The following TNFRSF10B variants were observed in gnomAD, a reference collection of about 807,000 sequenced individuals.
TNFRSF10B encodes TNF receptor superfamily member 10b, also known as tumor necrosis factor receptor superfamily member 10B.
In TNFRSF10B, 35 loss-of-function variants were observed where a neutral mutation model predicts 41.4. The observed-to-expected ratio is 0.85, with a 90% CI of 0.65 to 1.12. TNFRSF10B has a LOEUF of 1.12. Among genes scored for constraint, TNFRSF10B ranks in the 50% most tolerant of loss-of-function variants. The pLI is 0.00. For synonymous variants in TNFRSF10B, 230 were observed against 215.5 expected (o/e 1.07, Z -0.59); for missense variants, 584 against 552.7 (o/e 1.06, Z -0.57).
At chr8:23,047,118 A>G (rs1348049928) in intron 1 of TNFRSF10B, among the ~76,000 whole-genome samples, 1 of 152,168 alleles carries the variant, frequency 6.6e-6, no homozygotes, top group African/African-American at 2.4e-5. Context: ...AATTATATCA[A>G]CATAAGAAGT....
At chr8:23,059,048 T>C (rs959821758) in intron 1 of TNFRSF10B, among the ~76,000 whole-genome samples, 1 of 152,216 alleles carries the variant, frequency 6.6e-6, no homozygotes, top group African/African-American at 2.4e-5. Context: ...AACATTCTAC[T>C]GTTGGTTTTT....
chr8:23,031,309 C>T (rs185285392), intron 2 of TNFRSF10B, among the ~76,000 whole-genome samples: 76 of 152,260 alleles, frequency 5.0e-4, no homozygotes, highest in African/African-American at 1.8e-3. Flanking sequence ...ATCTCCTGAC[C>T]TCATGATCTG....
intron 5 of TNFRSF10B, chr8:23,028,023 C>T (rs1454497452): frequency 5.0e-6 from 3 of 601,314 alleles, no homozygotes; most frequent in East Asian, 2.8e-5. Context: ...CATCCTCACC[C>T]TTGTCACCCA....
chr8:23,026,063 A>G (rs1811693627), intron 7 of TNFRSF10B, among the ~76,000 whole-genome samples: 1 of 152,228 alleles, frequency 6.6e-6, no homozygotes, highest in Admixed American at 6.5e-5. Context: ...GTGATAGAGC[A>G]AGATCCTGTC....
intron 2 of TNFRSF10B, chr8:23,042,894 C>G (rs2128815789): frequency 4.6e-6 from 2 of 439,416 alleles, no homozygotes; most frequent in Middle Eastern, 6.2e-4. Context: ...GAGGCCTCAC[C>G]AGCCCCATCT....
intron 4 of TNFRSF10B, among the ~76,000 whole-genome samples, 171 bp from the exon 5 acceptor site, chr8:23,028,773 G>A (rs1390231454): frequency 1.3e-5 from 2 of 152,220 alleles, no homozygotes; most frequent in Non-Finnish European, 2.9e-5. Flanking sequence ...GGCTGGGGAA[G>A]GGTCTGAGCA....
intron 1 of TNFRSF10B, among the ~76,000 whole-genome samples, chr8:23,055,974 T>C (rs532085396): frequency 2.6e-5 from 4 of 152,324 alleles, no homozygotes; most frequent in African/African-American, 9.6e-5. Flanking sequence ...CTGGCGATAA[T>C]TTCCAGGCCT....
In TNFRSF10B at chr8:23,060,656, C is replaced by T. The variant is rs562173747; in HGVS notation, c.144+8095G>A. ...GAAATTCCATATGAATTTTAGGATA[C>T]ATTTTTTCATTTCTGCAAAAATGTC... On this transcript the variant is annotated intron_variant, in intron 1 of 8. Coordinates refer to ENST00000276431, the MANE Select transcript of TNFRSF10B (RefSeq NM_003842.5). Among the ~76,000 whole-genome samples, 69 of 152,256 alleles carry T rather than the reference C, an allele frequency of 4.5e-4. 1 individual carries two copies. The highest frequency in any genetic ancestry group is 8.5e-4 in the Admixed American group (13 of 15,302).
Position 23,021,681 on chromosome 8 carries a change from G to A in TNFRSF10B, c.*990C>T, listed in dbSNP as rs777376186. On this transcript the variant is annotated 3_prime_UTR_variant, in exon 9 of 9. Coordinates refer to ENST00000276431, the MANE Select transcript of TNFRSF10B (RefSeq NM_003842.5). ...CGTGGATCCAGTTCTCTTTGGTCCC[G>A]ACTCATATGTAAACAACTACCTATA... 3 of 454,080 alleles carry A rather than the reference G, an allele frequency of 6.6e-6. No individual in the cohort carries two copies. Among genetic ancestry groups the A allele is most frequent in the South Asian group, 3.1e-5 (2 of 64,474 alleles). The allele number at this position is 454,080 out of a possible 1,614,324, so 28.1% of individuals were successfully genotyped here.
intron 1 of TNFRSF10B, among the ~76,000 whole-genome samples, chr8:23,063,519 A>AT (rs1812893915): frequency 6.6e-6 from 1 of 151,908 alleles, no homozygotes; most frequent in Admixed American, 6.6e-5. Flanking sequence ...ACTCTTTCTT[A>AT]TTTGGTAATG....
intron 1 of TNFRSF10B, among the ~76,000 whole-genome samples, chr8:23,048,247 C>A (rs1308356290): frequency 6.6e-6 from 1 of 151,748 alleles, no homozygotes; most frequent in Non-Finnish European, 1.5e-5. Flanking sequence ...ACCAGCCTGG[C>A]CAACATGGTG....
intron 2 of TNFRSF10B, among the ~76,000 whole-genome samples, chr8:23,041,206 G>A (rs181238217): frequency 6.1e-4 from 93 of 152,006 alleles, no homozygotes; most frequent in African/African-American, 2.1e-3. Context: ...CTACAGGCAC[G>A]CCACTATACC....
chr8:23,036,610 C>T (rs1241711599), intron 2 of TNFRSF10B, among the ~76,000 whole-genome samples: 3 of 152,178 alleles, frequency 2.0e-5, no homozygotes, highest in South Asian at 2.1e-4. Context: ...TTTGGGAGGC[C>T]GAGGTGAGTG....
In TNFRSF10B at chr8:23,022,875, A is replaced by G; in HGVS notation, c.1119T>C (p.Ala373=). 1 of 1,614,018 alleles carries G rather than the reference A, an allele frequency of 6.2e-7. No individual in the cohort carries two copies. The highest frequency in any genetic ancestry group is 8.5e-7 in the Non-Finnish European group (1 of 1,180,000). ...LMDNEIKVAK[A]EAAGHRDTLY... ...AGGTGTCCCTGTGGCCCGCTGCCTC[A>G]GCTTTAGCCACCTTTATCTCATTGT... The change falls in exon 9 of 9, where the codon GCT becomes GCC. Residue 373 remains alanine, a synonymous_variant. Transcript: ENST00000276431.
rs757562456 is a variant in TNFRSF10B at position 23,069,011 on chromosome 8, G to A, written c.-117C>T. ...AGATTGCGGGGTTCTCCGGCCGCGT[G>A]CTGATTTATGTGTCCAGGCTGACTT... is the stretch of plus-strand genomic sequence containing the variant. On this transcript the variant is annotated 5_prime_UTR_variant, in exon 1 of 9. Transcript: ENST00000276431. 6.6e-6 allele frequency: 10 copies of A among 1,521,492 alleles called. No homozygotes were observed. The highest frequency in any genetic ancestry group is 1.2e-5 in the South Asian group (1 of 86,840). The allele number at this position is 1,521,492 out of a possible 1,614,324, so 94.2% of individuals were successfully genotyped here.
At chr8:23,039,805 A>G (rs993772350) in intron 2 of TNFRSF10B, among the ~76,000 whole-genome samples, 5 of 152,210 alleles carry the variant, frequency 3.3e-5, no homozygotes, top group African/African-American at 1.2e-4. Flanking sequence ...ACAGGAGCAC[A>G]GTATTTGGAT....
At chr8:23,064,888 G>A (rs1209921870) in intron 1 of TNFRSF10B, among the ~76,000 whole-genome samples, 1 of 152,130 alleles carries the variant, frequency 6.6e-6, no homozygotes, top group Non-Finnish European at 1.5e-5. Context: ...TGATTAGTAC[G>A]ATCATTACCC....
At position 23,053,426 on chromosome 8, in the gene TNFRSF10B, A is replaced by G. The variant is rs368371690; in HGVS notation, c.145-10183T>C. On this transcript the variant is annotated intron_variant, in intron 1 of 8. Coordinates refer to ENST00000276431, the MANE Select transcript of TNFRSF10B (RefSeq NM_003842.5). ...GGTAAAAAGATTATAAGGAGGCATG[A>G]GAATGTGGATATTTTTTACTAGATT... Among the ~76,000 whole-genome samples, 28 of 152,354 alleles carry G rather than the reference A, an allele frequency of 1.8e-4. No homozygotes were observed. The South Asian group carries it at 5.6e-3, about 30-fold the overall frequency.
At chr8:23,050,667 C>T (rs573038021) in intron 1 of TNFRSF10B, among the ~76,000 whole-genome samples, 1 of 152,254 alleles carries the variant, frequency 6.6e-6, no homozygotes, top group Admixed American at 6.5e-5. Flanking sequence ...TTAGAAATGT[C>T]TTTGGGAAAA....
Sources: gnomAD v4.1 joint callset for allele counts (sites outside exome capture counted in the v4.1 genomes callset) on GRCh38, gnomAD v4.1.1 for gene constraint, MANE v1.5 for transcripts, NCBI Gene and HGNC (gene_info 2026-07-23, HGNC 2026-07-21) for gene names.